C11orf54: variants seen among roughly 807,000 people sequenced by gnomAD.
C11orf54 encodes the protein beta-keto-L-gulonate decarboxylase, also known as beta-keto L-gulonate decarboxylase.
In C11orf54, 29 loss-of-function variants were observed where a neutral mutation model predicts 35.5. The observed-to-expected ratio is 0.82, with a 90% CI of 0.61 to 1.11. The LOEUF (loss-of-function observed/expected upper bound fraction) is 1.11. C11orf54 is among the 50% of genes most tolerant of loss of function. The pLI is 0.00. For synonymous variants in C11orf54, 108 were observed against 121.1 expected (o/e 0.89, Z 0.71); for missense variants, 373 against 369.2 (o/e 1.01, Z -0.08).
rs538047249 is a variant in C11orf54 at position 93,764,231 on chromosome 11, T to A, written c.*2543T>A. On this transcript the variant is annotated 3_prime_UTR_variant, in exon 9 of 9. Coordinates refer to ENST00000354421, the MANE Select transcript of C11orf54 (RefSeq NM_001286069.2). Reference sequence around the variant, plus strand: ...ATTAAGTCAGATTCTTAATTACAGATTTCAGATCTGATTTCAGATCAGAGC... The same window carrying A: ...ATTAAGTCAGATTCTTAATTACAGAATTCAGATCTGATTTCAGATCAGAGC... 1 of 152,198 alleles carries A rather than the reference T, an allele frequency of 6.6e-6. No individual in the cohort carries two copies. Among genetic ancestry groups the A allele is most frequent in the Non-Finnish European group, 1.5e-5 (1 of 68,054 alleles). The allele number at this position is 152,198 out of a possible 1,614,324, so 9.4% of individuals were successfully genotyped here.
chr11:93,747,477 A>T (rs1942538056), intron 2 of C11orf54, 29 bp downstream of exon 2: 2 of 1,543,962 alleles, frequency 1.3e-6, no homozygotes, highest in East Asian at 4.6e-5. Context: ...TTGGATTTTT[A>T]AAAATTATCC....
intron 3 of C11orf54, among the ~76,000 whole-genome samples, chr11:93,752,325 C>A (rs545187467): frequency 6.6e-6 from 1 of 152,050 alleles, no homozygotes; most frequent in African/African-American, 2.4e-5. Context: ...TGGTGAAACC[C>A]AATCTCTACT....
intron 8 of C11orf54, 23 bp from the exon 9 acceptor site, chr11:93,761,492 A>C (rs768684253): frequency 2.5e-6 from 4 of 1,578,560 alleles, no homozygotes; most frequent in African/African-American, 2.7e-5. Flanking sequence ...GAGTACTAAC[A>C]TATTGTTTGT....
intron 6 of C11orf54, 40 bp downstream of exon 6, chr11:93,755,426 C>T (rs371959081): frequency 4.4e-6 from 7 of 1,575,118 alleles, no homozygotes; most frequent in Admixed American, 1.7e-5. Flanking sequence ...CCTAAATGTT[C>T]TCAGAAAGCT....
Position 93,762,229 on chromosome 11 carries a change from T to C in C11orf54, c.*541T>C, listed in dbSNP as rs1436462286. 6.6e-6 allele frequency: 1 copy of C among 152,202 alleles called. No homozygotes were observed. The highest frequency in any genetic ancestry group is 1.5e-5 in the Non-Finnish European group (1 of 68,038). 9.4% of individuals were successfully genotyped at this position (152,202 alleles called of 1,614,324 possible). A position where few individuals can be genotyped will look rare whatever the true frequency, so the allele number is the denominator to read the frequency against. On this transcript the variant is annotated 3_prime_UTR_variant, in exon 9 of 9. Coordinates refer to ENST00000354421, the MANE Select transcript of C11orf54 (RefSeq NM_001286069.2). ...ACATTTTGCAAATTAGTATCACAAC[T>C]GCTAAGTAGATGTTTCTGAGTATTA...
chr11:93,746,983 A>AT (rs1942504725), intron 1 of C11orf54: 1 of 152,336 alleles, frequency 6.6e-6, no homozygotes, highest in Non-Finnish European at 1.5e-5. Context: ...GCTATATGAT[A>AT]TTTAAAAAAA....
At chr11:93,750,523 T>A in intron 3 of C11orf54, 79 bp downstream of exon 3, 1 of 1,098,046 alleles carries the variant, frequency 9.1e-7, no homozygotes, top group Non-Finnish European at 1.4e-6. Context: ...AAGGACATCT[T>A]AAATTATCTA....
Position 93,753,684 on chromosome 11 carries a change from A to C in C11orf54, c.157A>C (p.Ile53Leu), listed in dbSNP as rs536841409. The change falls in exon 4 of 9, where the codon ATC (isoleucine) becomes CTC (leucine). Residue 53 changes from isoleucine to leucine, a missense_variant and splice_region_variant. Physicochemically the swap from Ile to Leu is conservative, Grantham distance 5. Coordinates refer to ENST00000354421, the MANE Select transcript of C11orf54 (RefSeq NM_001286069.2). The part of the protein sequence containing the change: ...KEPFTFPVKG[I>L]CGKTRIAEVG... ...TTTGTTTTTTGGTTTTTTCTTAGGC[A>C]TCTGTGGGAAAACTAGAATTGCAGA... 1 of 1,613,698 alleles carries C rather than the reference A, an allele frequency of 6.2e-7. No individual in the cohort carries two copies. The highest frequency in any genetic ancestry group is 1.1e-5 in the South Asian group (1 of 91,028).
At chr11:93,749,515 A>AAC (rs1555022811) in intron 2 of C11orf54, among the ~76,000 whole-genome samples, 2 of 151,150 alleles carry the variant, frequency 1.3e-5, no homozygotes, top group Admixed American at 6.6e-5. Context: ...AAAAAAAAAA[A>AAC]AAAAAAAAAA....
intron 2 of C11orf54, among the ~76,000 whole-genome samples, chr11:93,749,948 T>C (rs1383504157): frequency 6.6e-6 from 1 of 152,248 alleles, no homozygotes; most frequent in African/African-American, 2.4e-5. Flanking sequence ...TGTAGTGTTT[T>C]GTGTCTGGCT....
At chr11:93,745,111 G>A (rs1402855478) in intron 1 of C11orf54, among the ~76,000 whole-genome samples, 32 of 152,178 alleles carry the variant, frequency 2.1e-4, no homozygotes, top group Admixed American at 2.1e-3. Flanking sequence ...CCAGCCACAG[G>A]GTGGTTTTCT....
intron 8 of C11orf54, among the ~76,000 whole-genome samples, chr11:93,760,534 T>A (rs563623030): frequency 9.9e-5 from 15 of 151,932 alleles, no homozygotes; most frequent in South Asian, 2.1e-4. Flanking sequence ...ATTAGTAGAG[T>A]CACAACTAGG....
At chr11:93,750,314 T>C in intron 2 of C11orf54, 32 bp from the exon 3 acceptor site, 1 of 1,584,622 alleles carries the variant, frequency 6.3e-7, no homozygotes, top group East Asian at 2.2e-5. Flanking sequence ...TTTTACCTAA[T>C]GTTAAATAAT....
chr11:93,751,821 T>A (rs1942848691), intron 3 of C11orf54, among the ~76,000 whole-genome samples: 1 of 23,966 alleles, frequency 4.2e-5, no homozygotes, highest in African/African-American at 1.0e-4. Context: ...ATGGTTAATC[T>A]TTTTTTTTTT....
chr11:93,759,911 T>A (rs117997839), intron 8 of C11orf54, 53 bp downstream of exon 8: 1 of 1,111,302 alleles, frequency 9.0e-7, no homozygotes, highest in African/African-American at 1.6e-5. Context: ...GCTTGATTTT[T>A]AGGATAATCT....
intron 3 of C11orf54, among the ~76,000 whole-genome samples, chr11:93,751,514 C>T (rs1942827135): frequency 6.7e-6 from 1 of 148,790 alleles, no homozygotes; most frequent in African/African-American, 2.5e-5. Context: ...AAGCGATTCT[C>T]CAGCCTCAGC....
rs1247641233 is a variant in C11orf54, at chr11:93,763,622, T to G, written c.*1934T>G. 1 of 152,162 alleles carries G rather than the reference T, an allele frequency of 6.6e-6. No homozygotes were observed. The highest frequency in any genetic ancestry group is 1.5e-5 in the Non-Finnish European group (1 of 68,044). 9.4% of individuals were successfully genotyped at this position (152,162 alleles called of 1,614,324 possible). On this transcript the variant is annotated 3_prime_UTR_variant, in exon 9 of 9. Transcript: ENST00000354421. ...AATTTTTTAATTATCTGGGCATGGT[T>G]GTGCACACCTGTTGTCCCAGCTGCT...
In C11orf54 at chr11:93,747,344, A is replaced by G; in HGVS notation, c.-50A>G. On this transcript the variant is annotated 5_prime_UTR_variant, in exon 2 of 9. Transcript: ENST00000354421. The stretch of plus-strand genomic sequence containing the variant: ...TGCGCTGTGGACTCTTGTGATAATT[A>G]ACCAAGAGTAGCTCTATTTGTCCAA... The G allele has an allele frequency of 6.2e-6, 9 of 1,441,934 alleles. No individual in the cohort carries two copies. The highest frequency in any genetic ancestry group is 8.5e-6 in the Non-Finnish European group (9 of 1,059,540). The allele number at this position is 1,441,934 out of a possible 1,614,324, so 89.3% of individuals were successfully genotyped here.
At chr11:93,753,654 G>C in intron 3 of C11orf54, 28 bp from the exon 4 acceptor site, 5 of 1,604,784 alleles carry the variant, frequency 3.1e-6, no homozygotes, top group Non-Finnish European at 4.3e-6. Context: ...AAGGTGGCTT[G>C]TGTTTTTGTT....
Sources: allele counts gnomAD v4.1 joint callset (sites outside exome capture counted in the v4.1 genomes callset), GRCh38; gene constraint gnomAD v4.1.1; transcripts MANE v1.5; gene names NCBI Gene and HGNC (gene_info 2026-07-23, HGNC 2026-07-21).